The following PCDH9 variants were observed in gnomAD, a reference collection of about 807,000 sequenced individuals.
PCDH9 encodes the protein protocadherin 9.
In PCDH9, 24 loss-of-function variants were observed where a neutral mutation model predicts 70.6. The ratio of observed to expected loss-of-function variants is 0.34; its 90% CI spans 0.25 to 0.48. PCDH9 has a LOEUF of 0.48. Ranked by LOEUF, PCDH9 falls within the 20% of genes least tolerant of loss-of-function variation. PCDH9 has a pLI of 0.99. For missense variants in PCDH9, 1,281 were observed against 1,503.6 expected (o/e 0.85, Z 2.45); for synonymous variants, 562 against 558.5 (o/e 1.01, Z -0.09).
At chr13:66,434,025 A>G (rs1166337367) in intron 4 of PCDH9, among the ~76,000 whole-genome samples, 2 of 151,940 alleles carry the variant, frequency 1.3e-5, no homozygotes, top group African/African-American at 4.8e-5. Context: ...CTTAGAATTA[A>G]ATACAGTGAT....
intron 3 of PCDH9, among the ~76,000 whole-genome samples, chr13:66,697,206 TTAA>T (rs1222352837): frequency 1.3e-5 from 2 of 152,148 alleles, no homozygotes; most frequent in African/African-American, 4.8e-5. Flanking sequence ...AAATCACAAC[TTAA>T]TAATATTAGG....
At chr13:66,341,374 A>G (rs530516668) in intron 4 of PCDH9, among the ~76,000 whole-genome samples, 24 of 152,268 alleles carry the variant, frequency 1.6e-4, no homozygotes, top group Non-Finnish European at 3.1e-4. Flanking sequence ...AATTACAAGC[A>G]TGAGCCACCA....
chr13:66,772,583 T>C (rs968217757), intron 3 of PCDH9, among the ~76,000 whole-genome samples: 6 of 152,170 alleles, frequency 3.9e-5, no homozygotes, highest in African/African-American at 1.4e-4. Flanking sequence ...CTATATTTTA[T>C]ACCACATAAA....
At chr13:66,454,535 G>A (rs1958279020) in intron 4 of PCDH9, among the ~76,000 whole-genome samples, 1 of 152,132 alleles carries the variant, frequency 6.6e-6, no homozygotes, top group African/African-American at 2.4e-5. Context: ...GATATCCTAT[G>A]TATAAAAGAT....
At chr13:67,209,097 G>A (rs2089417521) in intron 2 of PCDH9, 1 of 152,036 alleles carries the variant, frequency 6.6e-6, no homozygotes, top group Non-Finnish European at 1.5e-5. Flanking sequence ...GTATTGTTCT[G>A]AAAGCCAACA....
rs185988864 is a variant in PCDH9, at chr13:67,186,999, T to G, written c.3036+38406A>C. ...CAGCAACTTACAAGTATTTCATTGG[T>G]TTGTTTCTTTCAATTTATGTGGACG... On this transcript the variant is annotated intron_variant, in intron 2 of 4. Coordinates refer to ENST00000377865, the MANE Select transcript of PCDH9 (RefSeq NM_203487.3). 1.1e-4 allele frequency among the ~76,000 whole-genome samples: 16 copies of G among 152,264 alleles called. No homozygotes were observed. The South Asian group carries it at 2.1e-3, about 20-fold the overall frequency.
chr13:67,203,609 C>T (rs1007539757), intron 2 of PCDH9: 1 of 151,992 alleles, frequency 6.6e-6, no homozygotes, highest in African/African-American at 2.4e-5. Flanking sequence ...TTTGCTAATT[C>T]TTGCATAGCT....
intron 3 of PCDH9, among the ~76,000 whole-genome samples, chr13:66,666,336 C>T (rs763832559): frequency 1.3e-5 from 2 of 152,160 alleles, no homozygotes; most frequent in Non-Finnish European, 2.9e-5. Flanking sequence ...AGATGGCATT[C>T]TGCTGGATGT....
chr13:66,705,387 G>A (rs1456260597), intron 3 of PCDH9, among the ~76,000 whole-genome samples: 8 of 152,044 alleles, frequency 5.3e-5, no homozygotes, highest in African/African-American at 1.7e-4. Context: ...ATTTTTCCAC[G>A]CTTAACTATA....
intron 3 of PCDH9, among the ~76,000 whole-genome samples, chr13:66,747,912 T>G (rs2079397238): frequency 6.6e-6 from 1 of 152,180 alleles, no homozygotes; most frequent in Non-Finnish European, 1.5e-5. Flanking sequence ...TATGTAGTAA[T>G]TAGAAAGAGA....
At chr13:66,700,619 G>A (rs1231175864) in intron 3 of PCDH9, among the ~76,000 whole-genome samples, 2 of 152,014 alleles carry the variant, frequency 1.3e-5, no homozygotes, top group Admixed American at 6.6e-5. Flanking sequence ...AAATACTGGT[G>A]ATTAATCTGA....
chr13:67,040,929 G>A (rs2085101815), intron 2 of PCDH9, among the ~76,000 whole-genome samples: 1 of 152,116 alleles, frequency 6.6e-6, no homozygotes, highest in African/African-American at 2.4e-5. Context: ...GAGAAGTGAA[G>A]TCACAGATGC....
intron 2 of PCDH9, among the ~76,000 whole-genome samples, chr13:66,928,282 AGGGT>A (rs2082747965): frequency 6.6e-6 from 1 of 152,098 alleles, no homozygotes; most frequent in Non-Finnish European, 1.5e-5. Context: ...ATCTTATAAC[AGGGT>A]GGGGTCATGA....
intron 2 of PCDH9, among the ~76,000 whole-genome samples, chr13:67,013,624 T>A (rs1232322084): frequency 6.6e-6 from 1 of 151,956 alleles, no homozygotes. Flanking sequence ...CCACATAACC[T>A]ATTATTTGTA....
rs546472099 is a variant in PCDH9, at chr13:66,682,470, G to A, written c.3139-51059C>T. ...AGTGCCTAATTGAGTACTCTTTTATGTATTGTTTCTGCTGTTCATTGCAGA... is the reference window on the plus strand; with the variant it reads ...AGTGCCTAATTGAGTACTCTTTTATATATTGTTTCTGCTGTTCATTGCAGA... On this transcript the variant is annotated intron_variant, in intron 3 of 4. Coordinates refer to ENST00000377865, the MANE Select transcript of PCDH9 (RefSeq NM_203487.3). Among the ~76,000 whole-genome samples the A allele has an allele frequency of 3.4e-4, 52 of 151,892 alleles. 1 individual carries two copies. Among genetic ancestry groups the A allele is most frequent in the African/African-American group, 1.3e-3 (52 of 41,422 alleles).
intron 2 of PCDH9, among the ~76,000 whole-genome samples, chr13:67,132,176 T>C (rs940788667): frequency 2.6e-5 from 4 of 152,296 alleles, no homozygotes; most frequent in Non-Finnish European, 5.9e-5. Context: ...GTTAGTTGAT[T>C]TTCCTGTCTA....
intron 3 of PCDH9, among the ~76,000 whole-genome samples, chr13:66,817,608 A>T (rs1282921314): frequency 6.6e-6 from 1 of 151,944 alleles, no homozygotes; most frequent in East Asian, 1.9e-4. Flanking sequence ...TATGCACTTA[A>T]ATTTATTTTC....
chr13:66,442,851 A>G (rs1958001403), intron 4 of PCDH9, among the ~76,000 whole-genome samples: 3 of 152,222 alleles, frequency 2.0e-5, no homozygotes, highest in African/African-American at 4.8e-5. Flanking sequence ...GTCATTGACA[A>G]AAAGAATACT....
At chr13:66,527,225 G>A (rs1250502680) in intron 4 of PCDH9, among the ~76,000 whole-genome samples, 4 of 151,372 alleles carry the variant, frequency 2.6e-5, no homozygotes, top group African/African-American at 7.3e-5. Flanking sequence ...AAGTGTCAGG[G>A]TGAAATATAG....
Sources: gnomAD v4.1 joint callset for allele counts (sites outside exome capture counted in the v4.1 genomes callset) on GRCh38, gnomAD v4.1.1 for gene constraint, MANE v1.5 for transcripts, NCBI Gene and HGNC (gene_info 2026-07-23, HGNC 2026-07-21) for gene names.